The following MAP7 variants were observed in gnomAD, a reference collection of about 807,000 sequenced individuals.
MAP7 encodes the protein ensconsin.
In MAP7, 52 loss-of-function variants were observed where a neutral mutation model predicts 94.8. The observed-to-expected ratio is 0.55, with a 90% CI of 0.44 to 0.69. The LOEUF (loss-of-function observed/expected upper bound fraction) is 0.69. Ranked by LOEUF, MAP7 falls within the 30% of genes least tolerant of loss-of-function variation. The probability of loss-of-function intolerance (pLI) is 0.00; values close to 1 mark genes in which losing one functional copy is unlikely to be tolerated. For missense variants in MAP7, 940 were observed against 964.6 expected (o/e 0.97, Z 0.34); for synonymous variants, 350 against 357.0 (o/e 0.98, Z 0.22).
chr6:136,469,974 C>T (rs893179266), intron 1 of MAP7, among the ~76,000 whole-genome samples: 3 of 152,160 alleles, frequency 2.0e-5, no homozygotes, highest in Non-Finnish European at 2.9e-5. Flanking sequence ...TTCCTGTTCA[C>T]TGCCTACCTG....
chr6:136,454,665 G>A (rs1392037803), intron 1 of MAP7, among the ~76,000 whole-genome samples: 2 of 151,914 alleles, frequency 1.3e-5, no homozygotes, highest in Admixed American at 6.5e-5. Context: ...AGCATTTTGG[G>A]AGGCTGAGGC....
At chr6:136,480,995 A>G (rs1230682868) in intron 1 of MAP7, among the ~76,000 whole-genome samples, 2 of 152,198 alleles carry the variant, frequency 1.3e-5, no homozygotes, top group Admixed American at 6.5e-5. Context: ...ATACATACAA[A>G]TGTCAAATAG....
chr6:136,445,602 A>G (rs759139978), intron 1 of MAP7, among the ~76,000 whole-genome samples: 1 of 152,200 alleles, frequency 6.6e-6, no homozygotes, highest in South Asian at 2.1e-4. Context: ...GATCTCACTT[A>G]GGTACCAACA....
chr6:136,370,109 A>G (rs1448881956), intron 8 of MAP7, among the ~76,000 whole-genome samples: 1 of 152,264 alleles, frequency 6.6e-6, no homozygotes, highest in Non-Finnish European at 1.5e-5. Flanking sequence ...AAAAGTGAGC[A>G]AAGACTGGAA....
rs1582861993 is a variant in MAP7 at position 136,420,497 on chromosome 6, C to T, written c.166+1204G>A. Reference sequence around the variant, plus strand: ...ACTTGAATACAAAAATAAAGGTCCACTAGAATAAGCTGCGTGGGGACAGGG... The same window carrying T: ...ACTTGAATACAAAAATAAAGGTCCATTAGAATAAGCTGCGTGGGGACAGGG... On this transcript the variant is annotated intron_variant, in intron 2 of 17. Coordinates refer to ENST00000354570, the MANE Select transcript of MAP7 (RefSeq NM_003980.6). The T allele has an allele frequency of 8.2e-6, 3 of 364,220 alleles. No homozygotes were observed. The East Asian group carries it at 1.6e-4, about 20-fold the overall frequency. 22.6% of individuals were successfully genotyped at this position (364,220 alleles called of 1,614,324 possible).
At chr6:136,390,208 G>C (rs1272639321) in intron 3 of MAP7, among the ~76,000 whole-genome samples, 2 of 152,116 alleles carry the variant, frequency 1.3e-5, no homozygotes, top group Non-Finnish European at 2.9e-5. Context: ...CCCCCTCAAA[G>C]CTATTTCAAT....
chr6:136,406,321 TATGCATCTTATGA>T (rs1467385089), intron 3 of MAP7, among the ~76,000 whole-genome samples: 1 of 152,200 alleles, frequency 6.6e-6, no homozygotes, highest in Non-Finnish European at 1.5e-5. Context: ...ACATAGCACC[TATGCATCTTATGA>T]ATACATCTAT....
chr6:136,430,501 A>G (rs964104806), intron 1 of MAP7, among the ~76,000 whole-genome samples: 1 of 152,230 alleles, frequency 6.6e-6, no homozygotes, highest in Admixed American at 6.5e-5. Flanking sequence ...ACTGAGTTTA[A>G]TCAGTGAAAT....
chr6:136,466,887 C>T (rs991257847), intron 1 of MAP7: 7 of 1,519,550 alleles, frequency 4.6e-6, no homozygotes, highest in Admixed American at 4.0e-5. Context: ...GTGAAGGGGC[C>T]GTTTAATCAT....
At chr6:136,424,938 C>T (rs1792689655) in intron 1 of MAP7, among the ~76,000 whole-genome samples, 2 of 152,218 alleles carry the variant, frequency 1.3e-5, no homozygotes, top group Non-Finnish European at 2.9e-5. Context: ...AAAGCTTAAA[C>T]TCAGTTCCCA....
At chr6:136,410,924 C>T (rs953098211) in intron 3 of MAP7, among the ~76,000 whole-genome samples, 1 of 152,228 alleles carries the variant, frequency 6.6e-6, no homozygotes, top group Non-Finnish European at 1.5e-5. Context: ...GGCATTTAAT[C>T]TTTTCCAAGG....
At chr6:136,505,277 GTATATATATATATATATATATA>G (rs56764706) in intron 1 of MAP7, among the ~76,000 whole-genome samples, 48 of 53,810 alleles carry the variant, frequency 8.9e-4, no homozygotes, top group Non-Finnish European at 1.4e-3. Flanking sequence ...GTGTGTGTGT[GTATATATATATATATATATATA>G]TATATATATA....
intron 2 of MAP7, among the ~76,000 whole-genome samples, chr6:136,416,805 CAAA>C (rs573300458): frequency 9.0e-6 from 1 of 111,026 alleles, no homozygotes; most frequent in African/African-American, 3.3e-5. Context: ...GACTACGTCT[CAAA>C]AAAAAAAAAA....
At chr6:136,502,037 C>G (rs192737290) in intron 1 of MAP7, among the ~76,000 whole-genome samples, 45 of 152,240 alleles carry the variant, frequency 3.0e-4, no homozygotes, top group African/African-American at 1.0e-3. Flanking sequence ...TGCTGAGATG[C>G]CTTTTTGTGC....
At chr6:136,507,800 A>C (rs1352179404) in intron 1 of MAP7, among the ~76,000 whole-genome samples, 5 of 152,242 alleles carry the variant, frequency 3.3e-5, no homozygotes, top group Non-Finnish European at 1.5e-5. Context: ...CAAGTGAGGC[A>C]CAGAAATTGT....
intron 1 of MAP7, among the ~76,000 whole-genome samples, chr6:136,498,834 G>A (rs1262780515): frequency 6.6e-6 from 1 of 152,076 alleles, no homozygotes; most frequent in Middle Eastern, 3.4e-3. Context: ...CAACTGACAG[G>A]CCCAAAAGTA....
intron 3 of MAP7, among the ~76,000 whole-genome samples, chr6:136,397,830 C>A (rs1373344117): frequency 6.6e-6 from 1 of 152,120 alleles, no homozygotes; most frequent in Non-Finnish European, 1.5e-5. Context: ...GTATTTAAAT[C>A]ATTAACAACC....
chr6:136,387,817 G>A (rs1476555713), intron 5 of MAP7, among the ~76,000 whole-genome samples: 1 of 151,882 alleles, frequency 6.6e-6, no homozygotes, highest in Non-Finnish European at 1.5e-5. Context: ...AAATTCCAGG[G>A]GTATTGAATT....
At chr6:136,416,977 A>G (rs6916254) in intron 2 of MAP7, among the ~76,000 whole-genome samples, 128,627 of 152,018 alleles carry the variant, frequency 0.85, 54,494 homozygotes, top group Admixed American at 0.88. Flanking sequence ...AAATTAGCCA[A>G]GAGTGATGGC....
Sources: gnomAD v4.1 joint callset for allele counts (sites outside exome capture counted in the v4.1 genomes callset) on GRCh38, gnomAD v4.1.1 for gene constraint, MANE v1.5 for transcripts, NCBI Gene and HGNC (gene_info 2026-07-23, HGNC 2026-07-21) for gene names.